The following GABRG3 variants were observed in gnomAD, a reference collection of about 807,000 sequenced individuals.
GABRG3 encodes the protein gamma-aminobutyric acid receptor subunit gamma-3.
Under a neutral mutation model 48.8 loss-of-function variants are expected in GABRG3, and 25 were observed. The ratio of observed to expected loss-of-function variants is 0.51; its 90% confidence interval spans 0.37 to 0.72. GABRG3 has a LOEUF of 0.72. Ranked by LOEUF, GABRG3 falls within the 30% of genes least tolerant of loss-of-function variation. The probability of loss-of-function intolerance (pLI) is 0.00; values close to 1 mark genes in which losing one functional copy is unlikely to be tolerated. For synonymous variants in GABRG3, 227 were observed against 217.6 expected, an observed-to-expected ratio of 1.04 and a Z score of -0.38; for missense variants, 394 against 577.9, an observed-to-expected ratio of 0.68 and a Z score of 3.26.
intron 3 of GABRG3, among the ~76,000 whole-genome samples, chr15:27,324,024 A>G (rs11632009): frequency 0.14 from 20,754 of 152,084 alleles, 2,141 homozygotes; most frequent in African/African-American, 0.29. Context: ...ACGGGGAACA[A>G]CAGTTCTATC....
At chr15:27,029,988 C>A (rs1896055503) in intron 3 of GABRG3, among the ~76,000 whole-genome samples, 1 of 152,082 alleles carries the variant, frequency 6.6e-6, no homozygotes, top group Non-Finnish European at 1.5e-5. Flanking sequence ...AAGTAAAGGG[C>A]TTAAAAATGA....
intron 3 of GABRG3, among the ~76,000 whole-genome samples, chr15:27,307,029 CATGT>C (rs1366109989): frequency 3.6e-5 from 4 of 109,646 alleles, no homozygotes; most frequent in African/African-American, 1.8e-4. Context: ...TATATATAAA[CATGT>C]ATAAAATAAA....
At position 27,383,477 on chromosome 15, in the gene GABRG3, C is replaced by G. The variant is rs527578734; in HGVS notation, c.574+54589C>G. Among the ~76,000 whole-genome samples the G allele has an allele frequency of 1.6e-3, 248 of 152,244 alleles. 1 individual carries two copies. The highest frequency in any genetic ancestry group is 0.015 in the South Asian group (70 of 4,824). ...GCCTCAGTGTTCCTGTCTGAAAATT[C>G]ATTCATTTAGTTGCCCAGAAAAATT... On this transcript the variant is annotated intron_variant, in intron 5 of 9. Transcript: ENST00000615808.
chr15:27,349,935 C>T (rs1157384934), intron 5 of GABRG3, among the ~76,000 whole-genome samples: 1 of 144,468 alleles, frequency 6.9e-6, no homozygotes, highest in Admixed American at 6.9e-5. Flanking sequence ...GCCCTAAGGT[C>T]TTTTTTTTTT....
At chr15:27,057,035 T>C (rs1293493014) in intron 3 of GABRG3, among the ~76,000 whole-genome samples, 3 of 152,190 alleles carry the variant, frequency 2.0e-5, no homozygotes, top group Non-Finnish European at 2.9e-5. Flanking sequence ...AGACAGGGTG[T>C]GGAGTAAACA....
chr15:27,063,338 C>T (rs1398239334), intron 3 of GABRG3, among the ~76,000 whole-genome samples: 2 of 152,176 alleles, frequency 1.3e-5, no homozygotes, highest in East Asian at 1.9e-4. Context: ...GGATGTTTGT[C>T]CCCTCCAGAT....
intron 6 of GABRG3, among the ~76,000 whole-genome samples, chr15:27,489,090 C>T (rs2150848335): frequency 6.6e-6 from 1 of 151,574 alleles, no homozygotes; most frequent in East Asian, 1.9e-4. Flanking sequence ...CATGTGTTCT[C>T]ATTGTTCAAC....
intron 9 of GABRG3, chr15:27,530,874 AG>A (rs1240694910): frequency 2.9e-6 from 1 of 345,834 alleles, no homozygotes; most frequent in Non-Finnish European, 5.8e-6. Flanking sequence ...GCACACGTGT[AG>A]GAAACCTTTA....
At chr15:27,269,742 A>G (rs1891024483) in intron 3 of GABRG3, among the ~76,000 whole-genome samples, 1 of 152,142 alleles carries the variant, frequency 6.6e-6, no homozygotes, top group Admixed American at 6.5e-5. Flanking sequence ...TCAGCTTGAA[A>G]TCGGCCTGAG....
In GABRG3 at chr15:27,529,291, G is replaced by A. The variant is rs369376226; in HGVS notation, c.1122+1299G>A. 3.9e-5 allele frequency among the ~76,000 whole-genome samples: 6 copies of A among 152,288 alleles called. No homozygotes were observed. The East Asian group carries it at 1.2e-3, about 29-fold the overall frequency. On this transcript the variant is annotated intron_variant, in intron 9 of 9. Coordinates refer to ENST00000615808, the MANE Select transcript of GABRG3 (RefSeq NM_033223.5). ...AGTCCGAATTTCTTTTGGCTAGAGG[G>A]TAGAGTGTAGCTTTACTGAAAAATC...
At chr15:27,364,788 CAAAGGTAATCAT>C (rs1404572606) in intron 5 of GABRG3, 1 of 152,158 alleles carries the variant, frequency 6.6e-6, no homozygotes, top group Non-Finnish European at 1.5e-5. Context: ...CTGGTCTACT[CAAAGGTAATCAT>C]AAAGGAGTAA....
At position 27,114,871 on chromosome 15, in the gene GABRG3, C is replaced by G. The variant is rs568639407; in HGVS notation, c.270+88050C>G. Among the ~76,000 whole-genome samples the G allele has an allele frequency of 1.0e-3, 153 of 151,974 alleles. 1 individual carries two copies. Among genetic ancestry groups the G allele is most frequent in the African/African-American group, 3.5e-3 (147 of 41,450 alleles). On this transcript the variant is annotated intron_variant, in intron 3 of 9. Transcript: ENST00000615808. Reference sequence around the variant, plus strand: ...TATTCTATTTGCTGATGGAAATATACCATCACATGGAACTCGCAGATGTAA... The same window carrying G: ...TATTCTATTTGCTGATGGAAATATAGCATCACATGGAACTCGCAGATGTAA...
intron 3 of GABRG3, among the ~76,000 whole-genome samples, chr15:27,053,325 A>G (rs1023773952): frequency 6.6e-6 from 1 of 152,250 alleles, no homozygotes; most frequent in Non-Finnish European, 1.5e-5. Context: ...GAAAGTGAGT[A>G]AAGGACATGG....
chr15:27,046,031 C>T (rs1170703310), intron 3 of GABRG3, among the ~76,000 whole-genome samples: 4 of 152,174 alleles, frequency 2.6e-5, no homozygotes, highest in African/African-American at 7.2e-5. Flanking sequence ...GGAAGCGTCA[C>T]GGAAGTGTGA....
intron 3 of GABRG3, among the ~76,000 whole-genome samples, chr15:27,181,197 C>G (rs1003536732): frequency 6.6e-6 from 1 of 152,122 alleles, no homozygotes; most frequent in African/African-American, 2.4e-5. Context: ...TAGCTGCCCA[C>G]GAGCACAGGC....
intron 3 of GABRG3, among the ~76,000 whole-genome samples, chr15:27,118,815 G>A (rs1389903941): frequency 2.0e-5 from 3 of 152,050 alleles, no homozygotes; most frequent in Non-Finnish European, 4.4e-5. Context: ...TTGGAGTCTT[G>A]GCCCAGAGAG....
chr15:27,349,971 C>T (rs1365636655), intron 5 of GABRG3, among the ~76,000 whole-genome samples: 1 of 99,994 alleles, frequency 1.0e-5, no homozygotes, highest in South Asian at 3.2e-4. Flanking sequence ...CAAAAAAAAA[C>T]CTAACTTTCC....
At chr15:27,143,678 C>G (rs1898147350) in intron 3 of GABRG3, among the ~76,000 whole-genome samples, 1 of 152,148 alleles carries the variant, frequency 6.6e-6, no homozygotes, top group Admixed American at 6.5e-5. Flanking sequence ...TAACATTCTG[C>G]TAAAGCTGGA....
intron 3 of GABRG3, among the ~76,000 whole-genome samples, chr15:27,266,310 A>G (rs1890920719): frequency 6.6e-6 from 1 of 151,682 alleles, no homozygotes; most frequent in Admixed American, 6.6e-5. Flanking sequence ...TGGATATCCC[A>G]TCTTTCAGTA....
Sources: gnomAD v4.1 joint callset for allele counts (sites outside exome capture counted in the v4.1 genomes callset) on GRCh38, gnomAD v4.1.1 for gene constraint, MANE v1.5 for transcripts, NCBI Gene and HGNC (gene_info 2026-07-23, HGNC 2026-07-21) for gene names.